Variants in CCSER2 observed in about 807,000 individuals in gnomAD.
The protein encoded by CCSER2 is coiled-coil serine rich protein 2.
CCSER2 carries 46 observed loss-of-function variants against 92.3 expected under a neutral mutation model. The observed-to-expected ratio is 0.50, with a 90% confidence interval of 0.39 to 0.64. The LOEUF (loss-of-function observed/expected upper bound fraction) is 0.64. CCSER2 is among the 30% of genes least tolerant of loss of function. The pLI is 0.00. For missense variants in CCSER2, 1,244 were observed against 1,238.9 expected, an observed-to-expected ratio of 1.00 and a Z score of -0.06; for synonymous variants, 433 against 431.4, an observed-to-expected ratio of 1.00 and a Z score of -0.04.
chr10:84,396,935 G>A (rs1392066485), intron 3 of CCSER2, among the ~76,000 whole-genome samples: 1 of 152,090 alleles, frequency 6.6e-6, no homozygotes, highest in Non-Finnish European at 1.5e-5. Context: ...CATCAAGATT[G>A]TTTCCAATAT....
At chr10:84,442,076 G>A (rs922629129) in intron 6 of CCSER2, among the ~76,000 whole-genome samples, 7 of 152,040 alleles carry the variant, frequency 4.6e-5, no homozygotes, top group African/African-American at 1.7e-4. Context: ...TTCTTACACA[G>A]ACTTTCAATT....
chr10:84,497,121 A>C (rs1848497546), intron 9 of CCSER2, among the ~76,000 whole-genome samples: 1 of 152,246 alleles, frequency 6.6e-6, no homozygotes, highest in Non-Finnish European at 1.5e-5. Flanking sequence ...AAGATACTCA[A>C]ATCAAAGTAA....
chr10:84,385,845 A>C (rs1268879762), intron 3 of CCSER2, among the ~76,000 whole-genome samples: 2 of 152,200 alleles, frequency 1.3e-5, no homozygotes. Context: ...ATGCATCTGA[A>C]AAATGACCAG....
chr10:84,465,664 A>G (rs1215726786), intron 7 of CCSER2, among the ~76,000 whole-genome samples: 1 of 152,016 alleles, frequency 6.6e-6, no homozygotes, highest in Non-Finnish European at 1.5e-5. Flanking sequence ...TAATTCCAAC[A>G]TTTTTACACA....
intron 6 of CCSER2, chr10:84,452,349 G>T (rs1845343016): frequency 6.6e-6 from 1 of 152,136 alleles, no homozygotes; most frequent in Non-Finnish European, 1.5e-5. Context: ...GTTAACATGT[G>T]GAAGAATTAT....
chr10:84,348,141 A>G lies in CCSER2; in HGVS notation c.-40+19333A>G, dbSNP rs895071102. ...GGTTGTAGAGAGCCGAGATCACGCC[A>G]CTGCACTCCAGCCTGGGCAACATTG... On this transcript the variant is annotated intron_variant, in intron 1 of 9. Coordinates refer to ENST00000372088, the MANE Select transcript of CCSER2 (RefSeq NM_001284240.2). Among the ~76,000 whole-genome samples the G allele has an allele frequency of 4.6e-5, 7 of 152,194 alleles. No homozygotes were observed. The East Asian group carries it at 1.3e-3, about 29-fold the overall frequency.
intron 9 of CCSER2, among the ~76,000 whole-genome samples, chr10:84,496,994 C>G (rs1450846816): frequency 6.6e-6 from 1 of 152,132 alleles, no homozygotes; most frequent in Non-Finnish European, 1.5e-5. Flanking sequence ...AAATGCTGAT[C>G]AGAGTATGTT....
intron 3 of CCSER2, among the ~76,000 whole-genome samples, chr10:84,394,788 C>T (rs1182539104): frequency 6.6e-6 from 1 of 152,062 alleles, no homozygotes; most frequent in Admixed American, 6.6e-5. Flanking sequence ...TACACCCCAC[C>T]TATGTATGAG....
chr10:84,338,000 G>T (rs1158096118), intron 1 of CCSER2, among the ~76,000 whole-genome samples: 1 of 152,026 alleles, frequency 6.6e-6, no homozygotes, highest in Admixed American at 6.6e-5. Context: ...AAGGAGAGGG[G>T]GCTGGGCACG....
chr10:84,485,606 T>G (rs1265955707), intron 9 of CCSER2, among the ~76,000 whole-genome samples: 1 of 152,206 alleles, frequency 6.6e-6, no homozygotes, highest in Non-Finnish European at 1.5e-5. Flanking sequence ...TACCACAGTT[T>G]AAATAAACTG....
chr10:84,483,608 T>C (rs913119338), intron 9 of CCSER2, among the ~76,000 whole-genome samples: 1 of 152,076 alleles, frequency 6.6e-6, no homozygotes, highest in South Asian at 2.1e-4. Flanking sequence ...AACTCCACTC[T>C]ATTTTTTCTT....
At chr10:84,430,801 G>T (rs1231139578) in intron 5 of CCSER2, among the ~76,000 whole-genome samples, 1 of 152,304 alleles carries the variant, frequency 6.6e-6, no homozygotes, top group Admixed American at 6.5e-5. Context: ...GTTGTTGCAA[G>T]CATTTGGCTG....
intron 1 of CCSER2, among the ~76,000 whole-genome samples, chr10:84,366,537 G>C (rs1172586603): frequency 6.6e-6 from 1 of 152,162 alleles, no homozygotes; most frequent in African/African-American, 2.4e-5. Flanking sequence ...AGAGAATAGA[G>C]AATGATGTAA....
At chr10:84,357,666 G>A (rs1043183347) in intron 1 of CCSER2, among the ~76,000 whole-genome samples, 1 of 152,120 alleles carries the variant, frequency 6.6e-6, no homozygotes, top group African/African-American at 2.4e-5. Context: ...TAGCCAGGAT[G>A]GTCTTGATCT....
At chr10:84,439,635 T>TGA (rs2133517979) in intron 6 of CCSER2, among the ~76,000 whole-genome samples, 1 of 152,360 alleles carries the variant, frequency 6.6e-6, no homozygotes, top group Non-Finnish European at 1.5e-5. Context: ...AATTGTTTTC[T>TGA]GTTACTCAGG....
At chr10:84,469,421 C>G (rs955518600) in intron 7 of CCSER2, among the ~76,000 whole-genome samples, 7 of 151,986 alleles carry the variant, frequency 4.6e-5, no homozygotes, top group African/African-American at 1.7e-4. Context: ...GTTTGGGATG[C>G]TTATGTGATA....
chr10:84,455,686 C>T, intron 6 of CCSER2: 1 of 738,610 alleles, frequency 1.4e-6, no homozygotes, highest in Non-Finnish European at 2.5e-6. Context: ...TGGAGTAACT[C>T]CTCCCACTTA....
intron 6 of CCSER2, chr10:84,454,533 C>G (rs1018905187): frequency 1.3e-5 from 2 of 152,008 alleles, no homozygotes; most frequent in Non-Finnish European, 2.9e-5. Flanking sequence ...TAAATAAATC[C>G]TCTCATAGGA....
chr10:84,492,803 C>T (rs1219215862), intron 9 of CCSER2, among the ~76,000 whole-genome samples: 1 of 152,138 alleles, frequency 6.6e-6, no homozygotes, highest in Non-Finnish European at 1.5e-5. Context: ...CTGAAATAAA[C>T]CCCCTTTAGT....
Sources: gnomAD v4.1 joint callset for allele counts (sites outside exome capture counted in the v4.1 genomes callset) on GRCh38, gnomAD v4.1.1 for gene constraint, MANE v1.5 for transcripts, NCBI Gene and HGNC (gene_info 2026-07-23, HGNC 2026-07-21) for gene names.